The following ELAVL4 variants were observed in gnomAD, a reference collection of about 807,000 sequenced individuals.
ELAVL4 encodes ELAV like RNA binding protein 4, also known as ELAV-like protein 4.
In ELAVL4, 1 loss-of-function variant was observed where a neutral mutation model predicts 35.6. That is an observed-to-expected ratio of 0.03 (90% CI 0.01 to 0.13). The LOEUF (loss-of-function observed/expected upper bound fraction) is 0.13, where lower values mean the gene tolerates loss of function less well. Among genes scored for constraint, ELAVL4 ranks in the 10% least tolerant of loss-of-function variants. The pLI is 1.00. For synonymous variants in ELAVL4, 156 were observed against 171.0 expected, an observed-to-expected ratio of 0.91 and a Z score of 0.69; for missense variants, 267 against 464.9, an observed-to-expected ratio of 0.57 and a Z score of 3.91.
chr1:50,114,946 T>C (rs764268241), intron 1 of ELAVL4: 2 of 152,110 alleles, frequency 1.3e-5, no homozygotes, highest in Non-Finnish European at 2.9e-5. Context: ...TTAATGGTAA[T>C]ATTTATGCTT....
At chr1:50,139,334 A>G (rs1672431454) in intron 1 of ELAVL4, among the ~76,000 whole-genome samples, 1 of 152,228 alleles carries the variant, frequency 6.6e-6, no homozygotes, top group Non-Finnish European at 1.5e-5. Context: ...AGTTCAGGTC[A>G]TGAATTTTAA....
rs146794403 is a variant in ELAVL4 at position 50,159,613 on chromosome 1, T to TA, written c.250+14428dup. Among the ~76,000 whole-genome samples the TA allele has an allele frequency of 4.3e-3, 607 of 140,148 alleles. 2 individuals are homozygous for TA. Among genetic ancestry groups the TA allele is most frequent in the East Asian group, 0.019 (94 of 4,858 alleles). The allele number at this position is 140,148 out of a possible 152,430, so 91.9% of individuals were successfully genotyped here. A position where few individuals can be genotyped will look rare whatever the true frequency, so the allele number is the denominator to read the frequency against. The stretch of plus-strand genomic sequence containing the variant: ...GATGGAGCGAGATTCCATCTCAAAA[T>TA]AAAAAAAAAAAATGGGGGGCTCTTT... On this transcript the variant is annotated intron_variant, in intron 2 of 6. Coordinates refer to ENST00000371824, the MANE Select transcript of ELAVL4 (RefSeq NM_001144774.3).
intron 1 of ELAVL4, among the ~76,000 whole-genome samples, chr1:50,097,680 A>C (rs1572169777): frequency 6.6e-6 from 1 of 152,144 alleles, no homozygotes; most frequent in Non-Finnish European, 1.5e-5. Context: ...TGTTCTAGGT[A>C]TGTTCTTCTG....
intron 1 of ELAVL4, among the ~76,000 whole-genome samples, chr1:50,049,869 T>C (rs575876059): frequency 1.2e-4 from 18 of 152,336 alleles, no homozygotes; most frequent in African/African-American, 4.3e-4. Flanking sequence ...AGTATTAGCC[T>C]CTGAAACCTT....
intron 1 of ELAVL4, among the ~76,000 whole-genome samples, chr1:50,118,587 G>A (rs562859736): frequency 1.4e-4 from 22 of 152,130 alleles, no homozygotes; most frequent in Admixed American, 1.0e-3. Flanking sequence ...GTAATGGGTC[G>A]CGTCAGGACT....
chr1:50,186,797 A>G (rs1681889295), intron 3 of ELAVL4, among the ~76,000 whole-genome samples: 1 of 151,814 alleles, frequency 6.6e-6, no homozygotes, highest in African/African-American at 2.4e-5. Flanking sequence ...AAATGGCACA[A>G]TCGGAACTCA....
At chr1:50,111,265 T>A (rs1395903267) in intron 1 of ELAVL4, among the ~76,000 whole-genome samples, 1 of 151,496 alleles carries the variant, frequency 6.6e-6, no homozygotes, top group South Asian at 2.1e-4. Context: ...TTCCCCCTTT[T>A]CCCTGGTGTG....
intron 2 of ELAVL4, among the ~76,000 whole-genome samples, chr1:50,155,892 G>A (rs1292585492): frequency 6.6e-6 from 1 of 152,136 alleles, no homozygotes; most frequent in Non-Finnish European, 1.5e-5. Flanking sequence ...GCTCTTCCCA[G>A]TGCCCCTCAC....
intron 1 of ELAVL4, among the ~76,000 whole-genome samples, chr1:50,050,198 A>G (rs976202409): frequency 1.3e-5 from 2 of 152,236 alleles, no homozygotes; most frequent in African/African-American, 4.8e-5. Flanking sequence ...TTAATATTAT[A>G]TATGTACAGT....
chr1:50,131,072 G>T (rs1670774915), intron 1 of ELAVL4, among the ~76,000 whole-genome samples: 1 of 152,004 alleles, frequency 6.6e-6, no homozygotes, highest in African/African-American at 2.4e-5. Context: ...GTGATTCAAA[G>T]GACAAGCTTA....
chr1:50,118,586 C>T (rs1668355035), intron 1 of ELAVL4, among the ~76,000 whole-genome samples: 1 of 151,878 alleles, frequency 6.6e-6, no homozygotes, highest in African/African-American at 2.4e-5. Flanking sequence ...GGTAATGGGT[C>T]GCGTCAGGAC....
intron 1 of ELAVL4, among the ~76,000 whole-genome samples, chr1:50,139,899 G>A (rs989036461): frequency 6.6e-6 from 1 of 152,114 alleles, no homozygotes; most frequent in African/African-American, 2.4e-5. Context: ...TTGAGTGTGA[G>A]TAATTAGTCA....
intron 2 of ELAVL4, among the ~76,000 whole-genome samples, chr1:50,158,270 A>G (rs559787543): frequency 1.3e-5 from 2 of 152,206 alleles, no homozygotes; most frequent in African/African-American, 4.8e-5. Context: ...ATAAGAAAGT[A>G]ACTTATCTAA....
intron 3 of ELAVL4, among the ~76,000 whole-genome samples, chr1:50,181,502 A>G (rs1681016415): frequency 6.6e-6 from 1 of 152,166 alleles, no homozygotes; most frequent in Admixed American, 6.5e-5. Context: ...TGGAGTATGG[A>G]CCATGGGCTT....
chr1:50,142,814 A>T (rs534188865), intron 1 of ELAVL4, among the ~76,000 whole-genome samples: 1 of 152,314 alleles, frequency 6.6e-6, no homozygotes, highest in African/African-American at 2.4e-5. Flanking sequence ...AATGTTGTAC[A>T]TAACGCTCAT....
upstream of ELAVL4, chr1:50,106,039 C>A (rs1666274499): frequency 8.2e-6 from 3 of 367,030 alleles, no homozygotes; most frequent in East Asian, 1.2e-4. Flanking sequence ...TCCTTTTTTT[C>A]CGCCTCATGG....
At chr1:50,145,292 T>C (rs1328394559) in intron 2 of ELAVL4, 95 bp downstream of exon 2, 1 of 1,555,642 alleles carries the variant, frequency 6.4e-7, no homozygotes, top group Non-Finnish European at 8.7e-7. Flanking sequence ...GTCTATATCA[T>C]GTACCCTGCA....
At chr1:50,066,155 T>C (rs1204167214) in intron 1 of ELAVL4, among the ~76,000 whole-genome samples, 2 of 152,180 alleles carry the variant, frequency 1.3e-5, no homozygotes, top group African/African-American at 2.4e-5. Context: ...CCTACCACCC[T>C]TACATTCCTT....
chr1:50,115,601 G>A (rs1331763945), intron 1 of ELAVL4, among the ~76,000 whole-genome samples: 1 of 151,656 alleles, frequency 6.6e-6, no homozygotes, highest in Non-Finnish European at 1.5e-5. Context: ...CTTTTTTCAG[G>A]CTATGGGGAA....
Sources: allele counts gnomAD v4.1 joint callset (sites outside exome capture counted in the v4.1 genomes callset), GRCh38; gene constraint gnomAD v4.1.1; transcripts MANE v1.5; gene names NCBI Gene and HGNC (gene_info 2026-07-23, HGNC 2026-07-21).